AGBL4: variants seen among roughly 807,000 people sequenced by gnomAD.
AGBL4 encodes the protein AGBL carboxypeptidase 4.
A neutral mutation model predicts 66.4 loss-of-function variants in AGBL4; 58 were observed. That is an observed-to-expected ratio of 0.87 (90% CI 0.71 to 1.09). The LOEUF is 1.09. AGBL4 is among the 50% of genes least tolerant of loss of function. The probability of loss-of-function intolerance (pLI) is 0.00; values close to 1 mark genes in which losing one functional copy is unlikely to be tolerated. For synonymous variants in AGBL4, 234 were observed against 222.9 expected, an observed-to-expected ratio of 1.05 and a Z score of -0.44; for missense variants, 579 against 631.0, an observed-to-expected ratio of 0.92 and a Z score of 0.88.
chr1:48,670,738 C>A (rs778183541), intron 6 of AGBL4, among the ~76,000 whole-genome samples: 1 of 152,212 alleles, frequency 6.6e-6, no homozygotes, highest in Non-Finnish European at 1.5e-5. Context: ...AGGCTCCCTA[C>A]CCCTATCTAT....
chr1:49,426,698 T>C (rs1645667828), intron 3 of AGBL4, among the ~76,000 whole-genome samples: 1 of 152,214 alleles, frequency 6.6e-6, no homozygotes, highest in African/African-American at 2.4e-5. Flanking sequence ...TTCTATGAAG[T>C]AGGTACTACT....
At chr1:49,558,797 T>A (rs1424543774) in intron 3 of AGBL4, among the ~76,000 whole-genome samples, 1 of 152,136 alleles carries the variant, frequency 6.6e-6, no homozygotes, top group African/African-American at 2.4e-5. Flanking sequence ...ATCAACAGTA[T>A]TCTGGCAGTA....
At chr1:49,636,145 G>A (rs941950783) in intron 3 of AGBL4, among the ~76,000 whole-genome samples, 1 of 152,170 alleles carries the variant, frequency 6.6e-6, no homozygotes, top group Admixed American at 6.5e-5. Context: ...CCAGAGAGTA[G>A]AATGGATAAA....
At chr1:49,686,009 T>C (rs1431570566) in intron 3 of AGBL4, among the ~76,000 whole-genome samples, 1 of 152,174 alleles carries the variant, frequency 6.6e-6, no homozygotes, top group Non-Finnish European at 1.5e-5. Context: ...TAGGTTTTCA[T>C]CTAGGATTTT....
intron 1 of AGBL4, among the ~76,000 whole-genome samples, chr1:49,908,636 T>G (rs1650510004): frequency 6.6e-6 from 1 of 152,080 alleles, no homozygotes; most frequent in Admixed American, 6.5e-5. Flanking sequence ...AACACAGGAA[T>G]GGCCTAATAC....
chr1:48,831,158 T>G (rs1646542452), intron 6 of AGBL4, among the ~76,000 whole-genome samples: 1 of 152,176 alleles, frequency 6.6e-6, no homozygotes. Flanking sequence ...GTGAACCATA[T>G]GAACATCTGG....
At chr1:49,043,839 T>C (rs923344840) in intron 5 of AGBL4, among the ~76,000 whole-genome samples, 2 of 152,208 alleles carry the variant, frequency 1.3e-5, no homozygotes, top group Non-Finnish European at 2.9e-5. Context: ...GAGTTGCACA[T>C]AGGCCCTCTT....
intron 5 of AGBL4, among the ~76,000 whole-genome samples, chr1:49,031,531 G>A (rs933803064): frequency 6.6e-6 from 1 of 151,986 alleles, no homozygotes; most frequent in Non-Finnish European, 1.5e-5. Flanking sequence ...CAGAATATAC[G>A]AATAACTCCT....
chr1:48,818,767 C>CA (rs747321172), intron 6 of AGBL4, among the ~76,000 whole-genome samples: 11 of 151,818 alleles, frequency 7.2e-5, no homozygotes, highest in East Asian at 5.8e-4. Flanking sequence ...AATATGCATG[C>CA]AAAAAACAGC....
At chr1:49,352,493 C>T (rs1438557706) in intron 3 of AGBL4, among the ~76,000 whole-genome samples, 1 of 148,536 alleles carries the variant, frequency 6.7e-6, no homozygotes, top group East Asian at 2.0e-4. Context: ...GGTCCTGGGG[C>T]AGAGAATATC....
chr1:49,505,585 A>G (rs1648607701), intron 3 of AGBL4, among the ~76,000 whole-genome samples: 1 of 151,892 alleles, frequency 6.6e-6, no homozygotes. Flanking sequence ...TTCTGCCTCT[A>G]GCATTACTGG....
chr1:48,967,020 T>C (rs571582366), intron 5 of AGBL4, among the ~76,000 whole-genome samples: 62 of 148,434 alleles, frequency 4.2e-4, no homozygotes, highest in African/African-American at 1.5e-3. Context: ...GTGTTCGGTT[T>C]ACATTTTTTT....
chr1:49,388,811 T>G (rs780087428), intron 3 of AGBL4, among the ~76,000 whole-genome samples: 2 of 152,150 alleles, frequency 1.3e-5, no homozygotes, highest in Non-Finnish European at 2.9e-5. Flanking sequence ...ACCAGATGCA[T>G]TCGCACAGAA....
chr1:49,201,971 A>T (rs1346191987), intron 4 of AGBL4, among the ~76,000 whole-genome samples: 1 of 152,126 alleles, frequency 6.6e-6, no homozygotes, highest in East Asian at 1.9e-4. Context: ...CCAAAAAAAA[A>T]AGTACAATGA....
chr1:49,091,441 G>A (rs1306237728), intron 4 of AGBL4, among the ~76,000 whole-genome samples: 3 of 152,154 alleles, frequency 2.0e-5, no homozygotes, highest in East Asian at 3.9e-4. Context: ...TACAAAAAAT[G>A]CTGAACATCA....
chr1:50,020,103 C>G (rs1326802989), intron 1 of AGBL4, among the ~76,000 whole-genome samples: 2 of 151,942 alleles, frequency 1.3e-5, no homozygotes, highest in African/African-American at 4.8e-5. Flanking sequence ...AGAAATTCCT[C>G]AAAATCTACC....
At chr1:49,798,621 A>G (rs1325836176) in intron 2 of AGBL4, among the ~76,000 whole-genome samples, 3 of 152,166 alleles carry the variant, frequency 2.0e-5, no homozygotes, top group Non-Finnish European at 4.4e-5. Flanking sequence ...CTACTGACTG[A>G]CATATTTAAT....
chr1:48,993,613 A>C (rs1161009868), intron 5 of AGBL4, among the ~76,000 whole-genome samples: 1 of 152,158 alleles, frequency 6.6e-6, no homozygotes, highest in Non-Finnish European at 1.5e-5. Flanking sequence ...TTTGAAGTTT[A>C]TTTAATACCC....
At chr1:50,006,750 G>A (rs1179055757) in intron 1 of AGBL4, among the ~76,000 whole-genome samples, 1 of 151,674 alleles carries the variant, frequency 6.6e-6, no homozygotes. Flanking sequence ...ACATGAAGGA[G>A]AAATACTTTC....
Sources: gnomAD v4.1 joint callset for allele counts (sites outside exome capture counted in the v4.1 genomes callset) on GRCh38, gnomAD v4.1.1 for gene constraint, MANE v1.5 for transcripts, NCBI Gene and HGNC (gene_info 2026-07-23, HGNC 2026-07-21) for gene names.